ARL10: variants seen among roughly 807,000 people sequenced by gnomAD.
The protein encoded by ARL10 is ADP-ribosylation factor-like protein 10.
Under a neutral mutation model 26.1 loss-of-function variants are expected in ARL10, and 23 were observed. The ratio of observed to expected loss-of-function variants is 0.88; its 90% CI spans 0.63 to 1.25. The LOEUF (loss-of-function observed/expected upper bound fraction) is 1.25. Ranked by LOEUF, ARL10 falls within the 50% of genes most tolerant of loss-of-function variation. The pLI, the probability that ARL10 is intolerant of heterozygous loss-of-function variation, is 0.00. For missense variants in ARL10, 300 were observed against 323.6 expected, an observed-to-expected ratio of 0.93 and a Z score of 0.56; for synonymous variants, 138 against 149.1, an observed-to-expected ratio of 0.93 and a Z score of 0.54.
chr5:176,403,486 G>A (rs112586839), downstream of ARL10, among the ~76,000 whole-genome samples: 48 of 151,380 alleles, frequency 3.2e-4, no homozygotes, highest in South Asian at 7.9e-3. Flanking sequence ...ATGGAGTCTC[G>A]CTCTGTCACC....
chr5:176,376,250 T>C lies in ARL10; in HGVS notation c.*4355T>C, dbSNP rs1768691814. 6.7e-6 allele frequency: 1 copy of C among 150,266 alleles called. No individual in the cohort carries two copies. The highest frequency in any genetic ancestry group is 1.5e-5 in the Non-Finnish European group (1 of 67,910). The allele number at this position is 150,266 out of a possible 1,614,324, so 9.3% of individuals were successfully genotyped here. On this transcript the variant is annotated 3_prime_UTR_variant, in exon 4 of 4. Transcript: ENST00000310389. ...GACGGCATGCGCCTGTAGTCCCACC[T>C]ACTAGGGAGGCTGAGGCATGAGAAT...
downstream of ARL10, chr5:176,384,935 T>C (rs1270451713): frequency 1.1e-5 from 6 of 563,948 alleles, no homozygotes; most frequent in African/African-American, 3.7e-5. Context: ...ACTTCCATCC[T>C]GGGTGACTGA....
rs990685052 is a variant in ARL10, at chr5:176,376,401, T to C, written c.*4506T>C. 3 of 150,066 alleles carry C rather than the reference T, an allele frequency of 2.0e-5. No homozygotes were observed. The highest frequency in any genetic ancestry group is 4.4e-5 in the Non-Finnish European group (3 of 67,718). The allele number at this position is 150,066 out of a possible 1,614,324, so 9.3% of individuals were successfully genotyped here. A position where few individuals can be genotyped will look rare whatever the true frequency, so the allele number is the denominator to read the frequency against. ...AAAAAGGTTAGCATTCCACTCTTCC[T>C]TTGGGGTTTCAGGGTGACTTATTGG... On this transcript the variant is annotated 3_prime_UTR_variant, in exon 4 of 4. Coordinates refer to ENST00000310389, the MANE Select transcript of ARL10 (RefSeq NM_173664.6).
rs1436093574 is a variant in ARL10 at position 176,368,774 on chromosome 5, G to A, written c.386-33G>A. Reference sequence around the variant, plus strand: ...CTGTGGGCAGTGAGCGGGGGCCCGGGAGGCTCTGAGCTGGCCCCTGGCCTC... The same window carrying A: ...CTGTGGGCAGTGAGCGGGGGCCCGGAAGGCTCTGAGCTGGCCCCTGGCCTC... On this transcript the variant is annotated intron_variant, in intron 2 of 3. Coordinates refer to ENST00000310389, the MANE Select transcript of ARL10 (RefSeq NM_173664.6). The surrounding 1 kb of genome is among the most constrained non-coding windows in gnomAD (Gnocchi z 4.1). The A allele has an allele frequency of 7.6e-6, 12 of 1,577,028 alleles. No homozygotes were observed. In the South Asian group the frequency reaches 1.3e-4, roughly 17 times the overall value.
rs556594175 is a variant in ARL10 at position 176,395,603 on chromosome 5, C to A, written c.134-6138C>A. ...CCACCACCCTCCAGGATGTCTCTAC[C>A]AACTAACTGACGTCGGCACGAGATA... On this transcript the variant is annotated intron_variant, in intron 1 of 1. Coordinates refer to the ARL10 transcript ENST00000514533. 3.9e-5 allele frequency among the ~76,000 whole-genome samples: 6 copies of A among 152,276 alleles called. No individual in the cohort carries two copies. In the South Asian group the frequency reaches 8.3e-4, roughly 21 times the overall value.
intron 1 of ARL10, among the ~76,000 whole-genome samples, chr5:176,398,798 A>G (rs1036229877): frequency 4.6e-5 from 7 of 152,174 alleles, no homozygotes; most frequent in African/African-American, 7.2e-5. Context: ...ATCACTCTCT[A>G]TTGTGGTTGT....
chr5:176,388,782 T>C (rs761707422), downstream of ARL10: 4 of 1,601,910 alleles, frequency 2.5e-6, no homozygotes, highest in East Asian at 4.5e-5. Flanking sequence ...GAGGCTGAGG[T>C]CGGAGTCCCG....
chr5:176,385,200 C>G, downstream of ARL10: 3 of 1,451,136 alleles, frequency 2.1e-6, no homozygotes, highest in Non-Finnish European at 2.9e-6. Context: ...CCAGCCAGCC[C>G]ACGGGGCCTG....
Position 176,365,761 on chromosome 5 carries a change from G to A in ARL10, c.183+15G>A, listed in dbSNP as rs1376297372. ...ACGAGTGGGACGTGAGTGCCGGGCC[G>A]AGGCCTGCGGAAGGGCGGGCAGGCT... On this transcript the variant is annotated intron_variant, in intron 1 of 3. Coordinates refer to ENST00000310389, the MANE Select transcript of ARL10 (RefSeq NM_173664.6). 2.4e-6 allele frequency: 3 copies of A among 1,234,030 alleles called. No individual in the cohort carries two copies. The highest frequency in any genetic ancestry group is 3.0e-6 in the Non-Finnish European group (3 of 988,546). The allele number at this position is 1,234,030 out of a possible 1,614,324, so 76.4% of individuals were successfully genotyped here.
At chr5:176,410,867 C>T in the ARL10 span, among the ~76,000 whole-genome samples, 1 of 152,300 alleles carries the variant, frequency 6.6e-6, no homozygotes, top group South Asian at 2.1e-4. Flanking sequence ...TGTGCCCCTC[C>T]CAGAAGGAAT....
At chr5:176,397,696 T>TTCC in intron 1 of ARL10, 2 of 1,613,842 alleles carry the variant, frequency 1.2e-6, no homozygotes, top group Non-Finnish European at 1.7e-6. Context: ...GCCATTCCTG[T>TTCC]TCCGTGACCT....
chr5:176,406,466 T>A, downstream of ARL10: 1 of 1,184,350 alleles, frequency 8.4e-7, no homozygotes, highest in Non-Finnish European at 1.1e-6. Flanking sequence ...TTCTTTGGGA[T>A]TGATCAGCTA....
downstream of ARL10, chr5:176,386,230 G>A: frequency 6.4e-6 from 1 of 157,198 alleles, no homozygotes; most frequent in Admixed American, 6.1e-5. Flanking sequence ...AAGTGCCTAT[G>A]GCTTGGTATA....
chr5:176,393,066 C>A, downstream of ARL10: 1 of 1,148,186 alleles, frequency 8.7e-7, no homozygotes, highest in Non-Finnish European at 1.3e-6. The surrounding 1 kb of genome is among the most constrained non-coding windows in gnomAD (Gnocchi z 4.4). Flanking sequence ...CTTGTGCCCC[C>A]CTGACTTCAG....
downstream of ARL10, among the ~76,000 whole-genome samples, chr5:176,391,352 C>T (rs145675475): frequency 3.3e-5 from 5 of 152,176 alleles, no homozygotes; most frequent in African/African-American, 9.7e-5. Context: ...TATGGTTCAT[C>T]CCTGTAATCC....
At chr5:176,406,607 C>A, downstream of ARL10, 1 of 1,289,382 alleles carries the variant, frequency 7.8e-7, no homozygotes, top group Non-Finnish European at 1.0e-6. Flanking sequence ...TCTGTCCCTG[C>A]CCCTGGCTGT....
At chr5:176,408,200 T>C in the ARL10 span, among the ~76,000 whole-genome samples, 1 of 150,940 alleles carries the variant, frequency 6.6e-6, no homozygotes, top group Non-Finnish European at 1.5e-5. Context: ...CAGTCTTAAC[T>C]AGAAATACAC....
chr5:176,367,143 G>A (rs1490425643), intron 2 of ARL10, among the ~76,000 whole-genome samples: 1 of 151,778 alleles, frequency 6.6e-6, no homozygotes, highest in African/African-American at 2.4e-5. Context: ...GAGCAGCTGG[G>A]ATTACAGGCG....
intron 1 of ARL10, among the ~76,000 whole-genome samples, chr5:176,400,516 A>G (rs1410479423): frequency 6.6e-6 from 1 of 152,154 alleles, no homozygotes; most frequent in Non-Finnish European, 1.5e-5. Flanking sequence ...CAAAGCGCTG[A>G]GCACCGTGAG....
Sources: gnomAD v4.1 joint callset for allele counts (sites outside exome capture counted in the v4.1 genomes callset) on GRCh38, gnomAD v4.1.1 for gene constraint, Gnocchi (gnomAD v3.1) non-coding constraint, MANE v1.5 for transcripts, NCBI Gene and HGNC (gene_info 2026-07-23, HGNC 2026-07-21) for gene names.